MVD: variants seen among roughly 807,000 people sequenced by gnomAD.
MVD encodes mevalonate diphosphate decarboxylase.
MVD carries 52 observed loss-of-function variants against 42.4 expected under a neutral mutation model. That is an observed-to-expected ratio of 1.23 (90% CI 0.98 to 1.55). MVD has a LOEUF of 1.55. Ranked by LOEUF, MVD falls within the 40% of genes most tolerant of loss-of-function variation. MVD has a pLI of 0.00. For synonymous variants in MVD, 287 were observed against 243.2 expected (o/e 1.18, Z -1.68); for missense variants, 663 against 572.1 (o/e 1.16, Z -1.62).
chr16:88,661,157 G>A (rs368943606), intron 1 of MVD, among the ~76,000 whole-genome samples: 15 of 152,022 alleles, frequency 9.9e-5, no homozygotes, highest in African/African-American at 3.4e-4. Context: ...GACAACCTTG[G>A]ATCACAGACT....
In MVD at chr16:88,657,134, G is replaced by GC. The variant is rs765409064; in HGVS notation, c.403+301_403+302insG. The GC allele has an allele frequency of 1.2e-4, 73 of 595,592 alleles. 1 individual carries two copies. The East Asian group carries it at 1.8e-3, about 14-fold the overall frequency. 36.9% of individuals were successfully genotyped at this position (595,592 alleles called of 1,614,324 possible). A position where few individuals can be genotyped will look rare whatever the true frequency, so the allele number is the denominator to read the frequency against. ...TTTTTTTATTTTTTGTAGAGATGGGGGGGGGTCTCACTATGTTGCCCAGGC... is the reference window on the plus strand; with the variant it reads ...TTTTTTTATTTTTTGTAGAGATGGGGCGGGGGTCTCACTATGTTGCCCAGGC... On this transcript the variant is annotated intron_variant, in intron 4 of 9. Transcript: ENST00000301012.
At chr16:88,655,531 C>A in intron 6 of MVD, 114 bp from the exon 7 acceptor site, 1 of 1,507,012 alleles carries the variant, frequency 6.6e-7, no homozygotes, top group Non-Finnish European at 8.9e-7. Context: ...GCATTTGGCT[C>A]CTGCACGTGG....
chr16:88,658,057 G>C (rs746646920), intron 2 of MVD, 28 bp from the exon 3 acceptor site: 16 of 1,606,882 alleles, frequency 1.0e-5, no homozygotes, highest in Non-Finnish European at 1.2e-5. Flanking sequence ...GGCCACCTCA[G>C]AGGCCAGCAT....
intron 1 of MVD, among the ~76,000 whole-genome samples, chr16:88,660,117 T>C (rs1187829977): frequency 2.0e-5 from 3 of 151,920 alleles, no homozygotes; most frequent in East Asian, 3.9e-4. Context: ...CACGGGAGAC[T>C]GGACTCCCCT....
chr16:88,657,082 G>A (rs1907974116), intron 4 of MVD: 1 of 435,438 alleles, frequency 2.3e-6, no homozygotes, highest in Non-Finnish European at 4.4e-6. Context: ...ACAATCTAGA[G>A]GGGCTCCACA....
intron 4 of MVD, chr16:88,656,579 G>A: frequency 3.6e-6 from 2 of 549,820 alleles, no homozygotes; most frequent in Admixed American, 3.1e-5. Context: ...AGAGCAGGAA[G>A]CCCCATGGAA....
chr16:88,662,964 G>A (rs752048723), intron 1 of MVD, 47 bp downstream of exon 1: 2 of 1,570,088 alleles, frequency 1.3e-6, no homozygotes, highest in Non-Finnish European at 8.6e-7. Context: ...CGCGTACCCG[G>A]CCTCGCTCCC....
chr16:88,655,787 C>G lies in MVD; in HGVS notation c.604-57G>C. ...CCTGCAGGGGGCCAGCCCCAAGGAC[C>G]TCAGCCTCAAACACTCGGCCCTCCC... On this transcript the variant is annotated intron_variant, in intron 5 of 9. Transcript: ENST00000301012. 6 of 1,534,848 alleles carry G rather than the reference C, an allele frequency of 3.9e-6. No individual in the cohort carries two copies. The South Asian group carries it at 7.2e-5, about 18-fold the overall frequency.
chr16:88,655,686 C>A lies in MVD; in HGVS notation c.648G>T (p.Arg216=), dbSNP rs1264564924. The change falls in exon 6 of 10, where the codon CGG becomes CGT. Residue 216 remains arginine (R), a synonymous_variant. Coordinates refer to ENST00000301012, the MANE Select transcript of MVD (RefSeq NM_002461.3). ...KKLTGSTVGM[R]ASVETSPLLR... ...GCAGGGGGCTGGTCTCCACACTGGC[C>A]CGCATGCCCACGGTACTGCCTGTCA... 5.8e-6 allele frequency: 9 copies of A among 1,558,986 alleles called. No homozygotes were observed. Among genetic ancestry groups the A allele is most frequent in the Admixed American group, 1.9e-5 (1 of 53,014 alleles).
At chr16:88,662,562 C>T (rs562903719) in intron 1 of MVD, 138 of 737,138 alleles carry the variant, frequency 1.9e-4, no homozygotes, top group Non-Finnish European at 2.3e-4. Context: ...AGAAACGGGG[C>T]GAGGGAGGGA....
intron 3 of MVD, 150 bp from the exon 4 acceptor site, chr16:88,657,732 G>A: frequency 7.6e-7 from 1 of 1,321,364 alleles, no homozygotes; most frequent in African/African-American, 1.5e-5. Context: ...ACCCCAGACT[G>A]ACCCAAGCCC....
chr16:88,654,968 C>T (rs1322785889), intron 7 of MVD, 161 bp from the exon 8 acceptor site: 2 of 851,788 alleles, frequency 2.3e-6, no homozygotes, highest in East Asian at 2.7e-5. Context: ...TGGTACTTGA[C>T]ACGTCTGCCT....
Position 88,652,479 on chromosome 16 carries a change from C to T in MVD, c.*46G>A, listed in dbSNP as rs548053767. 3.1e-5 allele frequency: 48 copies of T among 1,545,056 alleles called. No individual in the cohort carries two copies. In the African/African-American group the frequency reaches 3.4e-4, roughly 11 times the overall value. The stretch of plus-strand genomic sequence containing the variant: ...CACCACATCCGCTCCCTAGCTCCGG[C>T]GAGGCCACCCCTTCTCCAAGCGGCA... On this transcript the variant is annotated 3_prime_UTR_variant, in exon 10 of 10. Transcript: ENST00000301012.
At chr16:88,654,200 G>T (rs1907760424) in intron 8 of MVD, among the ~76,000 whole-genome samples, 1 of 151,934 alleles carries the variant, frequency 6.6e-6, no homozygotes, top group African/African-American at 2.4e-5. Context: ...GGGGCTCTGT[G>T]GCGCCAAGAT....
At position 88,657,491 on chromosome 16, in the gene MVD, G is replaced by T. The variant is rs1054893298; in HGVS notation, c.348C>A (p.Asn116Lys). Residue 116 changes from asparagine to lysine, a missense_variant, in exon 4 of 10, where the codon AAC becomes AAA. Coordinates refer to ENST00000301012, the MANE Select transcript of MVD (RefSeq NM_002461.3). ...LSCKVHVASV[N>K]NFPTAAGLAS... ...CCAGGCCCGCAGCCGTGGGGAAGTT[G>T]TTCACCGATGCCACGTGCACCTTGC... 1.2e-6 allele frequency: 2 copies of T among 1,612,734 alleles called. No individual in the cohort carries two copies. The highest frequency in any genetic ancestry group is 1.7e-6 in the Non-Finnish European group (2 of 1,179,906).
chr16:88,653,657 G>A (rs1020781293), intron 8 of MVD: 13 of 461,340 alleles, frequency 2.8e-5, no homozygotes, highest in East Asian at 1.7e-4. Flanking sequence ...ATATGCTCTC[G>A]AATGGCTGAG....
Position 88,660,587 on chromosome 16 carries a change from G to T in MVD, c.71-1867C>A, listed in dbSNP as rs191646639. The T allele has an allele frequency of 6.7e-3, 1,019 of 152,252 alleles. 5 individuals carry two copies. Among genetic ancestry groups the T allele is most frequent in the Non-Finnish European group, 9.0e-3 (612 of 68,070 alleles). The allele number at this position is 152,252 out of a possible 1,614,324, so 9.4% of individuals were successfully genotyped here. On this transcript the variant is annotated intron_variant, in intron 1 of 9. Coordinates refer to ENST00000301012, the MANE Select transcript of MVD (RefSeq NM_002461.3). Reference sequence around the variant, plus strand: ...TTGAACCCGGGAAGCGGAGGTTGCAGTGAGCCGAGATCACGCCATTGCACT... The same window carrying T: ...TTGAACCCGGGAAGCGGAGGTTGCATTGAGCCGAGATCACGCCATTGCACT...
intron 4 of MVD, chr16:88,657,131 G>GA: frequency 2.9e-6 from 1 of 341,208 alleles, no homozygotes; most frequent in Non-Finnish European, 5.2e-6. Flanking sequence ...TTGTAGAGAT[G>GA]GGGGGGGGTC....
intron 4 of MVD, 154 bp downstream of exon 4, chr16:88,657,282 A>T (rs1218094259): frequency 9.6e-7 from 1 of 1,042,984 alleles, no homozygotes; most frequent in South Asian, 1.4e-5. Context: ...TGCTCTGGGA[A>T]GAGACTGAAC....
Sources: gnomAD v4.1 joint callset for allele counts (sites outside exome capture counted in the v4.1 genomes callset) on GRCh38, gnomAD v4.1.1 for gene constraint, MANE v1.5 for transcripts, NCBI Gene and HGNC (gene_info 2026-07-23, HGNC 2026-07-21) for gene names.